ACTN1: variants seen among roughly 807,000 people sequenced by gnomAD.
ACTN1 encodes the protein alpha-actinin-1.
In ACTN1, 30 loss-of-function variants were observed where a neutral mutation model predicts 119.6. The ratio of observed to expected loss-of-function variants is 0.25; its 90% CI spans 0.19 to 0.34. ACTN1 has a LOEUF of 0.34. Among genes scored for constraint, ACTN1 ranks in the 10% least tolerant of loss-of-function variants. The probability of loss-of-function intolerance (pLI) is 1.00; values close to 1 mark genes in which losing one functional copy is unlikely to be tolerated. For synonymous variants in ACTN1, 429 were observed against 472.6 expected, an observed-to-expected ratio of 0.91 and a Z score of 1.20; for missense variants, 764 against 1,223.4, an observed-to-expected ratio of 0.62 and a Z score of 5.60.
intron 1 of ACTN1, among the ~76,000 whole-genome samples, chr14:68,959,454 GC>G (rs1257046863): frequency 1.3e-5 from 2 of 152,196 alleles, no homozygotes; most frequent in African/African-American, 4.8e-5. Context: ...TACAAAAAGT[GC>G]CCCTTTCTCG....
At chr14:68,918,765 G>T (rs1286987231) in intron 3 of ACTN1, among the ~76,000 whole-genome samples, 1 of 152,108 alleles carries the variant, frequency 6.6e-6, no homozygotes, top group African/African-American at 2.4e-5. Context: ...TTCTGTCCTG[G>T]GCTCTGACTG....
At chr14:68,952,208 T>C (rs186233875) in intron 1 of ACTN1, among the ~76,000 whole-genome samples, 3 of 152,334 alleles carry the variant, frequency 2.0e-5, no homozygotes, top group Admixed American at 2.0e-4. Context: ...ATCCTAGGGA[T>C]TGACTCAACT....
chr14:68,919,834 C>T (rs1480994276), intron 3 of ACTN1, among the ~76,000 whole-genome samples: 17 of 152,238 alleles, frequency 1.1e-4, no homozygotes. Context: ...ACTGATGATA[C>T]ATTAACACCG....
Position 68,880,717 on chromosome 14 carries a change from C to A in ACTN1, c.2133+93G>T. ...GGGGTGAAGTTAATTTATCCTCCAA[C>A]TATGACCTGTTCCCTTGGAGACTTC... is the stretch of plus-strand genomic sequence containing the variant. On this transcript the variant is annotated intron_variant, in intron 17 of 21. Transcript: ENST00000394419. This position sits in a 1 kb window ranked among gnomAD's most constrained non-coding sequence, Gnocchi z 4.6. The A allele has an allele frequency of 3.0e-6, 4 of 1,351,282 alleles. No homozygotes were observed. Among genetic ancestry groups the A allele is most frequent in the Non-Finnish European group, 4.1e-6 (4 of 970,096 alleles). The allele number at this position is 1,351,282 out of a possible 1,614,324, so 83.7% of individuals were successfully genotyped here. A position where few individuals can be genotyped will look rare whatever the true frequency, so the allele number is the denominator to read the frequency against.
Position 68,979,014 on chromosome 14 carries a change from G to T in ACTN1, c.43C>A (p.Pro15Thr). The change falls in exon 1 of 22, where the codon CCA (proline) becomes ACA (threonine). Residue 15 changes from proline (P) to threonine (T), a missense_variant. This residue lies in a region of ACTN1 where 64 missense variants were observed against 80.0 expected (regional missense o/e 0.80). Transcript: ENST00000394419. ...AGGTCCCGGTCCCAGTCCTCTTCTGGCTGCATGTAATCGTTGGTTTGCTGA... is the reference window on the plus strand; with the variant it reads ...AGGTCCCGGTCCCAGTCCTCTTCTGTCTGCATGTAATCGTTGGTTTGCTGA... ...DSQQTNDYMQ[P>T]EEDWDRDLLL... 7 of 1,604,564 alleles carry T rather than the reference G, an allele frequency of 4.4e-6. No homozygotes were observed. The highest frequency in any genetic ancestry group is 6.0e-6 in the Non-Finnish European group (7 of 1,175,208).
intron 3 of ACTN1, among the ~76,000 whole-genome samples, chr14:68,914,263 A>C (rs1341301866): frequency 6.6e-6 from 1 of 152,244 alleles, no homozygotes; most frequent in African/African-American, 2.4e-5. Context: ...TATTTTAAAA[A>C]ATGCACTTTC....
At chr14:68,920,897 C>T in intron 3 of ACTN1, 109 bp downstream of exon 3, 1 of 1,446,054 alleles carries the variant, frequency 6.9e-7, no homozygotes, top group Non-Finnish European at 9.4e-7. Context: ...ACCCACTGCC[C>T]AATGCCCCCA....
intron 1 of ACTN1, among the ~76,000 whole-genome samples, chr14:68,939,651 T>C (rs1192965683): frequency 2.0e-5 from 3 of 152,062 alleles, no homozygotes; most frequent in Admixed American, 6.6e-5. Context: ...GGGGAGGTGA[T>C]AGCTAAGGGG....
intron 1 of ACTN1, among the ~76,000 whole-genome samples, chr14:68,972,840 C>T (rs2036932907): frequency 6.6e-6 from 1 of 152,202 alleles, no homozygotes; most frequent in Non-Finnish European, 1.5e-5. Context: ...AACAGGAGGA[C>T]CCATCTCACA....
At chr14:68,967,833 A>T (rs1171309268) in intron 1 of ACTN1, among the ~76,000 whole-genome samples, 1 of 152,244 alleles carries the variant, frequency 6.6e-6, no homozygotes, top group Non-Finnish European at 1.5e-5. Context: ...GGCCTCTTCC[A>T]AAACTCTACA....
Position 68,909,059 on chromosome 14 carries a change from TG to T in ACTN1, c.594+258del, listed in dbSNP as rs2033837529. On this transcript the variant is annotated intron_variant, in intron 6 of 21. Transcript: ENST00000394419. The surrounding 1 kb of genome is among the most constrained non-coding windows in gnomAD (Gnocchi z 4.1). ...TATCATTCCATCCCTCTGACAAAGCTGCTGTCACAGCTGTGATATTTTCCTG... is the reference window on the plus strand; with the variant it reads ...TATCATTCCATCCCTCTGACAAAGCTCTGTCACAGCTGTGATATTTTCCTG... 6.6e-6 allele frequency among the ~76,000 whole-genome samples: 1 copy of T among 152,234 alleles called. No homozygotes were observed. The highest frequency in any genetic ancestry group is 6.5e-5 in the Admixed American group (1 of 15,290).
intron 7 of ACTN1, among the ~76,000 whole-genome samples, chr14:68,904,160 G>A (rs1421411424): frequency 6.6e-6 from 1 of 151,952 alleles, no homozygotes; most frequent in Non-Finnish European, 1.5e-5. Flanking sequence ...ACCCTCCTCA[G>A]AAGATGCTAG....
At chr14:68,903,303 G>A (rs1305330628) in intron 7 of ACTN1, among the ~76,000 whole-genome samples, 2 of 152,166 alleles carry the variant, frequency 1.3e-5, no homozygotes, top group Non-Finnish European at 2.9e-5. Flanking sequence ...GTGGCTTTGG[G>A]AGGCCAAGGC....
intron 1 of ACTN1, among the ~76,000 whole-genome samples, chr14:68,933,432 G>A (rs968235746): frequency 4.0e-5 from 6 of 151,770 alleles, no homozygotes; most frequent in East Asian, 1.9e-4. Flanking sequence ...CACCACGCCC[G>A]GCCACCTCCC....
intron 1 of ACTN1, among the ~76,000 whole-genome samples, chr14:68,930,516 C>T (rs983406855): frequency 6.6e-6 from 1 of 152,102 alleles, no homozygotes; most frequent in African/African-American, 2.4e-5. Context: ...TCCTTCATAC[C>T]CTTGGTCATG....
At chr14:68,952,176 T>C (rs1176252675) in intron 1 of ACTN1, among the ~76,000 whole-genome samples, 1 of 152,224 alleles carries the variant, frequency 6.6e-6, no homozygotes, top group Non-Finnish European at 1.5e-5. Context: ...CTGTGGGACC[T>C]TCCAGCGCTG....
chr14:68,955,989 G>A (rs1211759091), intron 1 of ACTN1, among the ~76,000 whole-genome samples: 4 of 152,286 alleles, frequency 2.6e-5, no homozygotes, highest in Non-Finnish European at 4.4e-5. Flanking sequence ...GGTCCTGGAG[G>A]AAGAGTAAAT....
chr14:68,882,669 C>G lies in ACTN1; in HGVS notation c.1819-77G>C. ...TGTGCCAGATGAGGAAATGGAGGAC[C>G]CAGAAGGGGAAGGGCCGGTCAGTAA... On this transcript the variant is annotated intron_variant, in intron 15 of 21. Transcript: ENST00000394419. This position sits in a 1 kb window ranked among gnomAD's most constrained non-coding sequence, Gnocchi z 4.5. The G allele has an allele frequency of 6.3e-7, 1 of 1,593,096 alleles. No homozygotes were observed.
At chr14:68,884,401 G>A in intron 13 of ACTN1, 93 bp from the exon 14 acceptor site, 1 of 1,432,718 alleles carries the variant, frequency 7.0e-7, no homozygotes, top group Non-Finnish European at 9.5e-7. Flanking sequence ...CCCAGGTCTA[G>A]AAGCACTGAC....
Sources: gnomAD v4.1 joint callset for allele counts (sites outside exome capture counted in the v4.1 genomes callset) on GRCh38, gnomAD v4.1.1 for gene constraint, gnomAD v4.1.1 regional missense constraint, Gnocchi (gnomAD v3.1) non-coding constraint, MANE v1.5 for transcripts, NCBI Gene and HGNC (gene_info 2026-07-23, HGNC 2026-07-21) for gene names.